The following PDZD7 variants were observed in gnomAD, a reference collection of about 807,000 sequenced individuals.
PDZD7 encodes the protein PDZ domain-containing protein 7.
In PDZD7, 72 loss-of-function variants were observed where a neutral mutation model predicts 84.7. The observed-to-expected ratio is 0.85, with a 90% CI of 0.70 to 1.03. The LOEUF is 1.03. Ranked by LOEUF, PDZD7 falls within the 50% of genes least tolerant of loss-of-function variation. PDZD7 has a pLI of 0.00. For synonymous variants in PDZD7, 594 were observed against 580.7 expected, an observed-to-expected ratio of 1.02 and a Z score of -0.33; for missense variants, 1,490 against 1,412.9, an observed-to-expected ratio of 1.05 and a Z score of -0.87.
At chr10:101,022,494 C>A in intron 4 of PDZD7, 109 bp from the exon 5 acceptor site, 1 of 1,315,986 alleles carries the variant, frequency 7.6e-7, no homozygotes, top group Non-Finnish European at 1.1e-6. Context: ...CTTTGGGGGA[C>A]TCCCCAGGCC....
chr10:101,027,695 T>G (rs1259601918), intron 2 of PDZD7, among the ~76,000 whole-genome samples: 5 of 151,926 alleles, frequency 3.3e-5, no homozygotes, highest in Admixed American at 3.3e-4. Context: ...ATTCTGACTC[T>G]TCCCATCCTT....
rs983846945 is a variant in PDZD7, at chr10:101,010,475, G to C, written c.2414C>G (p.Pro805Arg). ...RSPSPVPTPA[P>R]SMTNGRYHKP... ...GTGGTAGCGCCCATTGGTCATGCTG[G>C]GGGCAGGGGTAGGCACCGGGGATGG... The change falls in exon 15 of 17, where the codon CCC (proline) becomes CGC (arginine). Residue 805 changes from proline (P) to arginine (R), a missense_variant. By Grantham distance (103) the Pro-to-Arg change is moderately radical. Coordinates refer to ENST00000619208, the MANE Select transcript of PDZD7 (RefSeq NM_001195263.2). The C allele has an allele frequency of 6.5e-7, 1 of 1,535,652 alleles. No individual in the cohort carries two copies. Among genetic ancestry groups the C allele is most frequent in the Non-Finnish European group, 8.7e-7 (1 of 1,146,538 alleles).
intron 11 of PDZD7, among the ~76,000 whole-genome samples, chr10:101,014,362 G>A (rs1031688604): frequency 5.3e-5 from 8 of 152,076 alleles, no homozygotes; most frequent in African/African-American, 1.7e-4. Flanking sequence ...GGTTGAGCTC[G>A]GCAGGTGGTA....
chr10:101,010,314 C>T lies in PDZD7; in HGVS notation c.2575G>A (p.Glu859Lys), dbSNP rs919585864. The T allele has an allele frequency of 2.0e-6, 3 of 1,535,454 alleles. No homozygotes were observed. Among genetic ancestry groups the T allele is most frequent in the African/African-American group, 1.4e-5 (1 of 73,034 alleles). Residue 859 changes from glutamate to lysine, a missense_variant, in exon 15 of 17, where the codon GAG (glutamate) becomes AAG (lysine). Coordinates refer to ENST00000619208, the MANE Select transcript of PDZD7 (RefSeq NM_001195263.2). ...KEAAMKNPSG[E>K]LKTVTLSKMK... ...TTGGACAGTGTCACTGTCTTCAGCTCGCCACTGGGGTTCTTCATGGCTGCC... is the reference window on the plus strand; with the variant it reads ...TTGGACAGTGTCACTGTCTTCAGCTTGCCACTGGGGTTCTTCATGGCTGCC...
chr10:101,022,187 C>T, intron 5 of PDZD7, 22 bp downstream of exon 5: 1 of 1,613,988 alleles, frequency 6.2e-7, no homozygotes, highest in Non-Finnish European at 8.5e-7. Flanking sequence ...TACCCGAAGA[C>T]ACTTCCTGCC....
chr10:101,011,181 A>G (rs1207867552), intron 14 of PDZD7: 2 of 701,474 alleles, frequency 2.9e-6, no homozygotes, highest in African/African-American at 3.7e-5. Context: ...AGCTGGGATT[A>G]CAGGCGTGCA....
intron 15 of PDZD7, 51 bp from the exon 16 acceptor site, chr10:101,009,401 C>A: frequency 1.4e-6 from 2 of 1,431,184 alleles, no homozygotes; most frequent in South Asian, 1.2e-5. Context: ...CCCCAAAATG[C>A]AAGCTCCCTG....
In PDZD7 at chr10:101,010,708, G is replaced by C. The variant is rs1308804055; in HGVS notation, c.2181C>G (p.Pro727=). 7.3e-6 allele frequency: 10 copies of C among 1,377,048 alleles called. No homozygotes were observed. Among genetic ancestry groups the C allele is most frequent in the Middle Eastern group, 1.9e-4 (1 of 5,238 alleles). The allele number at this position is 1,377,048 out of a possible 1,614,324, so 85.3% of individuals were successfully genotyped here. A position where few individuals can be genotyped will look rare whatever the true frequency, so the allele number is the denominator to read the frequency against. Reference sequence around the variant, plus strand: ...GAGGGGGTGTGCAGGCAATTCGGAGGGGGGTGAAGGCATCTACTGGCACGT... The same window carrying C: ...GAGGGGGTGTGCAGGCAATTCGGAGCGGGGTGAAGGCATCTACTGGCACGT... ...LQDVPVDAFT[P]LRIACTPPPQ... The change falls in exon 15 of 17, where the codon CCC becomes CCG. Residue 727 remains proline (P), a synonymous_variant. Coordinates refer to ENST00000619208, the MANE Select transcript of PDZD7 (RefSeq NM_001195263.2).
At chr10:101,011,104 G>A (rs1312377352) in intron 14 of PDZD7, 42 of 1,388,338 alleles carry the variant, frequency 3.0e-5, no homozygotes, top group Non-Finnish European at 3.8e-5. Context: ...GTGGTGGCGC[G>A]ATTTTGGCTC....
rs1471327428 is a variant in PDZD7, at chr10:101,008,575, CTG to C, written c.2992_2993del (p.Gln998AspfsTer5). 1.3e-6 allele frequency: 2 copies of C among 1,535,552 alleles called. No individual in the cohort carries two copies. The highest frequency in any genetic ancestry group is 2.7e-5 in the African/African-American group (2 of 72,854). Reference protein sequence around the residue: ...HWLPEPPTNPQTPPTDARLLQ... With the variant: ...HWLPEPPTNPXTPPTDARLLQ... Reference sequence around the variant, plus strand: ...GGAGCCTGGCATCAGTGGGAGGAGTCTGGGGATTGGTGGGAGGTTCTGGGAGC... The same window carrying C: ...GGAGCCTGGCATCAGTGGGAGGAGTCGGGATTGGTGGGAGGTTCTGGGAGC... On this transcript the variant is annotated frameshift_variant, in exon 17 of 17. Coordinates refer to ENST00000619208, the MANE Select transcript of PDZD7 (RefSeq NM_001195263.2). LOFTEE classifies it low-confidence loss of function (END_TRUNC).
chr10:101,011,845 T>C, intron 13 of PDZD7, 80 bp downstream of exon 13: 1 of 1,549,940 alleles, frequency 6.5e-7, no homozygotes, highest in Admixed American at 2.0e-5. Context: ...CGGCAATCTC[T>C]GCAGCCCTCT....
chr10:101,029,948 C>T, intron 2 of PDZD7, 46 bp downstream of exon 2: 1 of 1,400,522 alleles, frequency 7.1e-7, no homozygotes, highest in Non-Finnish European at 1.0e-6. Context: ...TTGTCCCCTA[C>T]CCCCACCCTC....
At chr10:101,017,302 T>G in intron 9 of PDZD7, 2 of 280,166 alleles carry the variant, frequency 7.1e-6, no homozygotes, top group Non-Finnish European at 1.3e-5. Context: ...ATGGGAGAGA[T>G]GGAGGGGGAC....
chr10:101,011,279 G>T, intron 14 of PDZD7: 1 of 370,540 alleles, frequency 2.7e-6, no homozygotes, highest in Non-Finnish European at 4.5e-6. Context: ...CACCTCAAGC[G>T]ATCCACCCGC....
rs747807975 is a variant in PDZD7, at chr10:101,022,280, G to A, written c.648C>T (p.Thr216=). The change falls in exon 5 of 17, where the codon ACC becomes ACT. Residue 216 remains threonine (T), a synonymous_variant. Transcript: ENST00000619208. ...TGAAGCCCAGGCAGAAGTCGTCGGAGGTTGTGTATAGGTGGACGATGCGCC... is the reference window on the plus strand; with the variant it reads ...TGAAGCCCAGGCAGAAGTCGTCGGAAGTTGTGTATAGGTGGACGATGCGCC... ...GVRRIVHLYT[T]SDDFCLGFNI... 2 of 1,614,256 alleles carry A rather than the reference G, an allele frequency of 1.2e-6. No homozygotes were observed. The highest frequency in any genetic ancestry group is 1.7e-6 in the Non-Finnish European group (2 of 1,180,048).
intron 9 of PDZD7, chr10:101,017,237 A>G (rs1224032875): frequency 4.9e-6 from 1 of 204,006 alleles, no homozygotes; most frequent in Non-Finnish European, 9.8e-6. Context: ...TTGCTATGCA[A>G]TAGAGGTCAT....
chr10:101,008,596 T>C lies in PDZD7; in HGVS notation c.2973A>G (p.Pro991=). 1 of 1,535,704 alleles carries C rather than the reference T, an allele frequency of 6.5e-7. No homozygotes were observed. Among genetic ancestry groups the C allele is most frequent in the Non-Finnish European group, 8.7e-7 (1 of 1,146,784 alleles). The part of the protein sequence containing the change: ...DAAPVPAHWL[P]EPPTNPQTPP... Reference sequence around the variant, plus strand: ...GAGTCTGGGGATTGGTGGGAGGTTCTGGGAGCCAGTGGGCAGGAACTGGAG... The same window carrying C: ...GAGTCTGGGGATTGGTGGGAGGTTCCGGGAGCCAGTGGGCAGGAACTGGAG... The change falls in exon 17 of 17, where the codon CCA becomes CCG. Residue 991 remains proline, a synonymous_variant. Coordinates refer to ENST00000619208, the MANE Select transcript of PDZD7 (RefSeq NM_001195263.2).
intron 6 of PDZD7, among the ~76,000 whole-genome samples, chr10:101,021,428 C>T (rs1853088902): frequency 6.6e-6 from 1 of 152,136 alleles, no homozygotes; most frequent in Admixed American, 6.5e-5. Context: ...TAGCTGTATG[C>T]CCTGGGGATG....
At chr10:101,008,955 T>TC in intron 16 of PDZD7, 105 bp from the exon 17 acceptor site, 1 of 1,342,864 alleles carries the variant, frequency 7.4e-7, no homozygotes, top group Non-Finnish European at 9.8e-7. Context: ...AGGACACTCC[T>TC]CCCCCATCTG....
Sources: allele counts gnomAD v4.1 joint callset (sites outside exome capture counted in the v4.1 genomes callset), GRCh38; gene constraint gnomAD v4.1.1; transcripts MANE v1.5; gene names NCBI Gene and HGNC (gene_info 2026-07-23, HGNC 2026-07-21).